SYN3: variants seen among roughly 807,000 people sequenced by gnomAD.
The protein encoded by SYN3 is synapsin-3.
In SYN3, 35 loss-of-function variants were observed where a neutral mutation model predicts 65.8. That is an observed-to-expected ratio of 0.53 (90% CI 0.41 to 0.70). SYN3 has a LOEUF of 0.70. Among genes scored for constraint, SYN3 ranks in the 30% least tolerant of loss-of-function variants. The probability of loss-of-function intolerance (pLI) is 0.00; values close to 1 mark genes in which losing one functional copy is unlikely to be tolerated. For synonymous variants in SYN3, 270 were observed against 292.9 expected (o/e 0.92, Z 0.80); for missense variants, 680 against 749.0 (o/e 0.91, Z 1.08).
chr22:32,746,595 C>T (rs2044940210), intron 6 of SYN3, among the ~76,000 whole-genome samples: 1 of 152,200 alleles, frequency 6.6e-6, no homozygotes, highest in Non-Finnish European at 1.5e-5. Flanking sequence ...GATGTCCCTT[C>T]CTCCAGGAAG....
intron 6 of SYN3, among the ~76,000 whole-genome samples, chr22:32,807,386 TTATA>T (rs1306965767): frequency 9.6e-6 from 1 of 104,300 alleles, no homozygotes; most frequent in Non-Finnish European, 1.9e-5. Flanking sequence ...ATAATATATA[TTATA>T]TATAATATAT....
intron 6 of SYN3, among the ~76,000 whole-genome samples, chr22:32,790,187 G>A (rs1033214940): frequency 6.6e-6 from 1 of 152,170 alleles, no homozygotes; most frequent in Non-Finnish European, 1.5e-5. Context: ...TTTCTGTGGT[G>A]TAAATACTTC....
chr22:32,757,476 T>C (rs1315557490), intron 6 of SYN3, among the ~76,000 whole-genome samples: 2 of 152,096 alleles, frequency 1.3e-5, no homozygotes, highest in African/African-American at 4.8e-5. Flanking sequence ...TTTGTATTTT[T>C]AGCAGAGACG....
chr22:32,995,820 G>A (rs1215351948), intron 2 of SYN3, among the ~76,000 whole-genome samples: 3 of 149,638 alleles, frequency 2.0e-5, no homozygotes, highest in Admixed American at 6.6e-5. Context: ...GCGCCACCAC[G>A]CTCAGTTAAT....
chr22:32,700,114 C>A (rs79726334), intron 6 of SYN3, among the ~76,000 whole-genome samples: 11 of 152,294 alleles, frequency 7.2e-5, no homozygotes, highest in Middle Eastern at 3.4e-3. Context: ...TCTCTGAATT[C>A]CAAGGCTTTC....
At chr22:33,021,000 G>A (rs1361839594) in intron 1 of SYN3, among the ~76,000 whole-genome samples, 1 of 152,154 alleles carries the variant, frequency 6.6e-6, no homozygotes, top group East Asian at 1.9e-4. Context: ...CTTGGCACAT[G>A]GTAAACAATC....
chr22:32,813,079 T>C (rs905979846), intron 6 of SYN3, among the ~76,000 whole-genome samples: 6 of 152,344 alleles, frequency 3.9e-5, no homozygotes, highest in Admixed American at 1.3e-4. Flanking sequence ...CCATGCCATG[T>C]CACAAACCCA....
At chr22:32,739,207 T>C (rs1031424619) in intron 6 of SYN3, among the ~76,000 whole-genome samples, 11 of 151,524 alleles carry the variant, frequency 7.3e-5, no homozygotes, top group Non-Finnish European at 1.3e-4. Context: ...ACTGTTCTCG[T>C]GATAGTAAAT....
Position 32,897,082 on chromosome 22 carries a change from C to T in SYN3, c.462-27957G>A, listed in dbSNP as rs570033839. Among the ~76,000 whole-genome samples, 7 of 152,210 alleles carry T rather than the reference C, an allele frequency of 4.6e-5. No individual in the cohort carries two copies. The East Asian group carries it at 9.7e-4, about 21-fold the overall frequency. ...GCTCCCTTTGAGTCTCTAAAGTTAC[C>T]GTCCCCTGGGGCCAAGTAGGTTGTG... is the stretch of plus-strand genomic sequence containing the variant. On this transcript the variant is annotated intron_variant, in intron 4 of 13. Coordinates refer to ENST00000358763, the MANE Select transcript of SYN3 (RefSeq NM_003490.4).
chr22:32,802,158 T>C (rs1337953685), intron 6 of SYN3: 1 of 1,564,710 alleles, frequency 6.4e-7, no homozygotes, highest in East Asian at 2.3e-5. Context: ...AGCCCCACGC[T>C]GCAGCCAGGA....
intron 4 of SYN3, among the ~76,000 whole-genome samples, chr22:32,900,462 T>A (rs1307668862): frequency 2.0e-5 from 3 of 152,226 alleles, no homozygotes; most frequent in Non-Finnish European, 4.4e-5. Context: ...ATTTATTGAA[T>A]AAATACTCTG....
At position 32,841,617 on chromosome 22, in the gene SYN3, G is replaced by A. The variant is rs561582344; in HGVS notation, c.711+23298C>T. Among the ~76,000 whole-genome samples the A allele has an allele frequency of 2.6e-4, 39 of 151,964 alleles. No individual in the cohort carries two copies. In the South Asian group the frequency reaches 7.5e-3, roughly 29 times the overall value. ...TTGCAGGTATAAATGTAGACTAAATGTAGACTCTGGGATATATAAGTAAAA... is the reference window on the plus strand; with the variant it reads ...TTGCAGGTATAAATGTAGACTAAATATAGACTCTGGGATATATAAGTAAAA... On this transcript the variant is annotated intron_variant, in intron 6 of 13. Transcript: ENST00000358763.
intron 6 of SYN3, among the ~76,000 whole-genome samples, chr22:32,708,557 A>G (rs1296564786): frequency 1.3e-5 from 2 of 152,184 alleles, no homozygotes; most frequent in African/African-American, 4.8e-5. Flanking sequence ...GGTCTCCAGA[A>G]AAGCCTCAAG....
chr22:32,684,539 A>T (rs1445471607), intron 6 of SYN3, among the ~76,000 whole-genome samples: 1 of 152,218 alleles, frequency 6.6e-6, no homozygotes, highest in Non-Finnish European at 1.5e-5. Flanking sequence ...CAGCAACCAC[A>T]TCATTGTCAA....
intron 2 of SYN3, among the ~76,000 whole-genome samples, chr22:32,997,189 T>C (rs1601870738): frequency 6.6e-6 from 1 of 152,282 alleles, no homozygotes; most frequent in East Asian, 1.9e-4. Context: ...GTCTTCCCTA[T>C]GTATACAATG....
chr22:32,596,648 G>C (rs1275163449), intron 7 of SYN3, 26 bp downstream of exon 7: 4 of 1,610,792 alleles, frequency 2.5e-6, no homozygotes, highest in Non-Finnish European at 2.5e-6. Flanking sequence ...TGTGTCCACT[G>C]TGAGTGGAAG....
chr22:33,006,403 A>G lies in SYN3; in HGVS notation c.260T>C (p.Ile87Thr), dbSNP rs745761368. Residue 87 changes from isoleucine to threonine, a missense_variant, in exon 2 of 14, where the codon ATT becomes ACT. By Grantham distance (89) the Ile-to-Thr change is moderately conservative. Transcript: ENST00000358763. ...LMEPPGPSTP[I>T]VQRPRILLVI... ...CAACAGGATCCTGGGTCTTTGAACA[A>G]TGGGCGTGGAGGGACCTGGAGGCTC... The G allele has an allele frequency of 6.2e-6, 10 of 1,614,048 alleles. No homozygotes were observed. The highest frequency in any genetic ancestry group is 7.6e-6 in the Non-Finnish European group (9 of 1,179,986).
chr22:33,014,078 A>G (rs1362955520), intron 1 of SYN3, among the ~76,000 whole-genome samples: 1 of 151,424 alleles, frequency 6.6e-6, no homozygotes, highest in African/African-American at 2.4e-5. Flanking sequence ...CTAGTTAAAA[A>G]AAAAAAAAAA....
chr22:32,681,250 G>C (rs1238732678), intron 6 of SYN3, among the ~76,000 whole-genome samples: 5 of 139,802 alleles, frequency 3.6e-5, no homozygotes, highest in African/African-American at 1.3e-4. Flanking sequence ...ATTTTTGGTT[G>C]TTACAACTTG....
Sources: gnomAD v4.1 joint callset for allele counts (sites outside exome capture counted in the v4.1 genomes callset) on GRCh38, gnomAD v4.1.1 for gene constraint, MANE v1.5 for transcripts, NCBI Gene and HGNC (gene_info 2026-07-23, HGNC 2026-07-21) for gene names.